PRKCB: variants seen among roughly 807,000 people sequenced by gnomAD.
PRKCB encodes the protein protein kinase C beta type.
In PRKCB, 13 loss-of-function variants were observed where a neutral mutation model predicts 81.5. That is an observed-to-expected ratio of 0.16 (90% CI 0.10 to 0.25). PRKCB has a LOEUF of 0.25. Ranked by LOEUF, PRKCB falls within the 10% of genes least tolerant of loss-of-function variation. PRKCB has a pLI of 1.00. For missense variants in PRKCB, 509 were observed against 875.7 expected (o/e 0.58, Z 5.29); for synonymous variants, 335 against 321.4 (o/e 1.04, Z -0.45).
intron 2 of PRKCB, among the ~76,000 whole-genome samples, chr16:23,869,675 A>G (rs1330171836): frequency 6.6e-6 from 1 of 152,212 alleles, no homozygotes. Context: ...ATTTCAACCC[A>G]TTTATTTTGA....
chr16:23,856,316 A>C (rs1962566415), intron 2 of PRKCB, among the ~76,000 whole-genome samples: 1 of 152,162 alleles, frequency 6.6e-6, no homozygotes, highest in South Asian at 2.1e-4. Flanking sequence ...GCATGACTTC[A>C]ATGTCCTGTT....
chr16:24,049,874 C>CACTATA (rs1965819805), intron 5 of PRKCB, among the ~76,000 whole-genome samples: 1 of 152,126 alleles, frequency 6.6e-6, no homozygotes, highest in African/African-American at 2.4e-5. Flanking sequence ...GAATCAGAGT[C>CACTATA]ACTATAAGCA....
intron 2 of PRKCB, among the ~76,000 whole-genome samples, chr16:23,938,662 A>G (rs1295477600): frequency 6.6e-6 from 1 of 152,180 alleles, no homozygotes. Flanking sequence ...ATCATCTTTT[A>G]TTGGTTTTAC....
intron 9 of PRKCB, among the ~76,000 whole-genome samples, chr16:24,150,918 G>A (rs1404100129): frequency 1.3e-5 from 2 of 152,198 alleles, no homozygotes; most frequent in Non-Finnish European, 1.5e-5. Context: ...AGGGCATGTT[G>A]TTGAGGGCAG....
In PRKCB at chr16:24,217,191, G is replaced by T; in HGVS notation, c.*2375G>T. The stretch of plus-strand genomic sequence containing the variant: ...GAAGGAAGGAAGGAAGGAATATAGT[G>T]TTATAAATACTGCACTCAACATTTT... On this transcript the variant is annotated 3_prime_UTR_variant, in exon 17 of 17. Transcript: ENST00000643927. 1 of 983,480 alleles carries T rather than the reference G, an allele frequency of 1.0e-6. No homozygotes were observed. Among genetic ancestry groups the T allele is most frequent in the Non-Finnish European group, 1.2e-6 (1 of 829,380 alleles). The allele number at this position is 983,480 out of a possible 1,614,324, so 60.9% of individuals were successfully genotyped here. A position where few individuals can be genotyped will look rare whatever the true frequency, so the allele number is the denominator to read the frequency against.
At chr16:24,001,208 G>A (rs1476529162) in intron 3 of PRKCB, among the ~76,000 whole-genome samples, 2 of 152,160 alleles carry the variant, frequency 1.3e-5, no homozygotes, top group Non-Finnish European at 2.9e-5. Context: ...CTCTGGGCAG[G>A]CAGTACAAAA....
At chr16:24,065,623 A>G (rs950146654) in intron 5 of PRKCB, among the ~76,000 whole-genome samples, 3 of 152,088 alleles carry the variant, frequency 2.0e-5, no homozygotes, top group African/African-American at 7.2e-5. Flanking sequence ...TCTTTCTTAC[A>G]TTTTCACATT....
chr16:24,191,333 G>T (rs570752080), intron 16 of PRKCB, 103 bp downstream of exon 16: 17 of 1,336,468 alleles, frequency 1.3e-5, no homozygotes, highest in Non-Finnish European at 1.8e-5. Flanking sequence ...ACGTCAATGT[G>T]TCTACTGGAA....
At chr16:24,032,667 A>G (rs1219117396) in intron 4 of PRKCB, among the ~76,000 whole-genome samples, 1 of 152,118 alleles carries the variant, frequency 6.6e-6, no homozygotes, top group African/African-American at 2.4e-5. Flanking sequence ...TCAGTGGGCT[A>G]GGCTACCTAG....
In PRKCB at chr16:24,217,195, TA is replaced by T. The variant is rs2141997397; in HGVS notation, c.*2382del. On this transcript the variant is annotated 3_prime_UTR_variant, in exon 17 of 17. Coordinates refer to ENST00000643927, the MANE Select transcript of PRKCB (RefSeq NM_002738.7). ...GAAGGAAGGAAGGAATATAGTGTTA[TA>T]AATACTGCACTCAACATTTTCCAAA... is the stretch of plus-strand genomic sequence containing the variant. 5.1e-6 allele frequency: 5 copies of T among 983,778 alleles called. No individual in the cohort carries two copies. In the South Asian group the frequency reaches 1.4e-4, roughly 28 times the overall value. 60.9% of individuals were successfully genotyped at this position (983,778 alleles called of 1,614,324 possible). A position where few individuals can be genotyped will look rare whatever the true frequency, so the allele number is the denominator to read the frequency against.
rs1965357662 is a variant in PRKCB at position 24,020,995 on chromosome 16, T to TCTTC, written c.289-11138_289-11137insCCTT. Among the ~76,000 whole-genome samples, 3 of 131,676 alleles carry TCTTC rather than the reference T, an allele frequency of 2.3e-5. No homozygotes were observed. The South Asian group carries it at 7.7e-4, about 34-fold the overall frequency. The allele number at this position is 131,676 out of a possible 152,430, so 86.4% of individuals were successfully genotyped here. A position where few individuals can be genotyped will look rare whatever the true frequency, so the allele number is the denominator to read the frequency against. ...TTTTCTTTTTCTTTCTTTCTTTCTT[T>TCTTC]CTTTCTTTCTTTCTTTCTTTCTTTC... On this transcript the variant is annotated intron_variant, in intron 3 of 16. Transcript: ENST00000643927.
intron 10 of PRKCB, among the ~76,000 whole-genome samples, chr16:24,156,895 A>G (rs7194151): frequency 0.031 from 4,719 of 152,270 alleles, 254 homozygotes; most frequent in African/African-American, 0.11. Context: ...CAGTAAATCA[A>G]CTAAGTAAGA....
intron 11 of PRKCB, among the ~76,000 whole-genome samples, chr16:24,173,173 A>T (rs1967470926): frequency 6.6e-6 from 1 of 152,136 alleles, no homozygotes; most frequent in Non-Finnish European, 1.5e-5. Flanking sequence ...GGTTCCTGTG[A>T]TGGGGAGACT....
At chr16:23,911,968 A>G (rs1348821123) in intron 2 of PRKCB, among the ~76,000 whole-genome samples, 2 of 149,626 alleles carry the variant, frequency 1.3e-5, no homozygotes, top group African/African-American at 4.9e-5. Context: ...AGTAGCTGGG[A>G]TTTCAGGTGC....
chr16:24,081,848 G>C (rs1338302631), intron 5 of PRKCB, among the ~76,000 whole-genome samples: 1 of 151,882 alleles, frequency 6.6e-6, no homozygotes, highest in Non-Finnish European at 1.5e-5. Context: ...TCCAGCCTGG[G>C]TGACAGAGCA....
chr16:24,019,478 C>A (rs1220936543), intron 3 of PRKCB, among the ~76,000 whole-genome samples: 3 of 152,110 alleles, frequency 2.0e-5, no homozygotes, highest in Non-Finnish European at 4.4e-5. Flanking sequence ...AAAAATACAA[C>A]CTTGGTCGGG....
intron 2 of PRKCB, among the ~76,000 whole-genome samples, chr16:23,884,642 C>G (rs1259067809): frequency 6.6e-6 from 1 of 152,148 alleles, no homozygotes; most frequent in Non-Finnish European, 1.5e-5. Context: ...TAAAACAATC[C>G]TCCCACCTCA....
At chr16:23,921,931 T>C (rs773750782) in intron 2 of PRKCB, among the ~76,000 whole-genome samples, 3 of 152,174 alleles carry the variant, frequency 2.0e-5, no homozygotes, top group Non-Finnish European at 4.4e-5. Context: ...TTGAATCTTA[T>C]AGGCTCAGCT....
intron 9 of PRKCB, among the ~76,000 whole-genome samples, chr16:24,138,143 G>T (rs1966871459): frequency 6.6e-6 from 1 of 152,230 alleles, no homozygotes. Context: ...TCCTGAAGCG[G>T]TGGAGGCAGG....
Sources: allele counts gnomAD v4.1 joint callset (sites outside exome capture counted in the v4.1 genomes callset), GRCh38; gene constraint gnomAD v4.1.1; transcripts MANE v1.5; gene names NCBI Gene and HGNC (gene_info 2026-07-23, HGNC 2026-07-21).